The following DHX34 variants were observed in gnomAD, a reference collection of about 807,000 sequenced individuals.
DHX34 encodes probable ATP-dependent RNA helicase DHX34.
In DHX34, 96 loss-of-function variants were observed where a neutral mutation model predicts 111.1. That is an observed-to-expected ratio of 0.86 (90% CI 0.73 to 1.02). The LOEUF is 1.02. DHX34 is among the 50% of genes least tolerant of loss of function. The pLI is 0.00. For synonymous variants in DHX34, 688 were observed against 670.4 expected (o/e 1.03, Z -0.41); for missense variants, 1,560 against 1,579.9 (o/e 0.99, Z 0.21).
rs902331063 is a variant in DHX34 at position 47,367,215 on chromosome 19, C to T, written c.1768+60C>T. Reference sequence around the variant, plus strand: ...CCCAGGAGCGGGTATGGGCACAGCTCACTCTCTGAGTGGCCTGGGGGCAAG... The same window carrying T: ...CCCAGGAGCGGGTATGGGCACAGCTTACTCTCTGAGTGGCCTGGGGGCAAG... On this transcript the variant is annotated intron_variant, in intron 7 of 16. Coordinates refer to ENST00000328771, the MANE Select transcript of DHX34 (RefSeq NM_014681.6). The T allele has an allele frequency of 1.3e-5, 18 of 1,355,376 alleles. No individual in the cohort carries two copies. In the Admixed American group the frequency reaches 1.9e-4, roughly 14 times the overall value. The allele number at this position is 1,355,376 out of a possible 1,614,324, so 84.0% of individuals were successfully genotyped here.
intron 1 of DHX34, among the ~76,000 whole-genome samples, chr19:47,351,300 T>C (rs936943006): frequency 3.4e-5 from 5 of 146,808 alleles, no homozygotes; most frequent in Non-Finnish European, 7.5e-5. Context: ...TGCCTCAGCC[T>C]CCCGAGTCGC....
intron 5 of DHX34, among the ~76,000 whole-genome samples, chr19:47,361,808 G>C (rs949708280): frequency 4.6e-5 from 7 of 152,216 alleles, no homozygotes; most frequent in Admixed American, 1.3e-4. Context: ...AAAAAAGGTT[G>C]TTCTGACACT....
At chr19:47,372,227 G>A (rs1969985877) in intron 7 of DHX34, among the ~76,000 whole-genome samples, 1 of 151,696 alleles carries the variant, frequency 6.6e-6, no homozygotes, top group Admixed American at 6.6e-5. Context: ...CTAAACAAAG[G>A]CTGCAGGAGA....
intron 7 of DHX34, among the ~76,000 whole-genome samples, chr19:47,371,475 C>G (rs1303008808): frequency 6.6e-6 from 1 of 152,194 alleles, no homozygotes; most frequent in African/African-American, 2.4e-5. Flanking sequence ...AGCAGCGTCA[C>G]GGCGAGGTGG....
intron 7 of DHX34, 41 bp from the exon 8 acceptor site, chr19:47,372,689 C>T: frequency 6.5e-7 from 1 of 1,536,592 alleles, no homozygotes; most frequent in Non-Finnish European, 8.8e-7. Flanking sequence ...CTGCGCCTGT[C>T]CTGGCACCCA....
chr19:47,358,724 C>T lies in DHX34; in HGVS notation c.1272+604C>T, dbSNP rs556929360. ...CCACCTCCCGGGTTCAAGCGATTCT[C>T]CTGCCTCAGCCTCCTGAGTAGCTGG... is the stretch of plus-strand genomic sequence containing the variant. On this transcript the variant is annotated intron_variant, in intron 4 of 16. Coordinates refer to ENST00000328771, the MANE Select transcript of DHX34 (RefSeq NM_014681.6). 6.5e-3 allele frequency among the ~76,000 whole-genome samples: 990 copies of T among 152,250 alleles called. 4 individuals carry two copies. Among genetic ancestry groups the T allele is most frequent in the Non-Finnish European group, 0.01 (705 of 68,022 alleles).
chr19:47,357,998 T>C lies in DHX34; in HGVS notation c.1150T>C (p.Phe384Leu). ...PPEERGDLLV[F>L]LSGMAEISAV... is the part of the protein sequence containing the mutation. ...TGAGGAGCGGGGTGACCTCCTCGTC[T>C]TCCTCAGCGGCATGGCGGAGATCAG... The change falls in exon 4 of 17, where the codon TTC (phenylalanine) becomes CTC (leucine). Residue 384 changes from phenylalanine (F) to leucine (L), a missense_variant. By Grantham distance (22) the Phe-to-Leu change is conservative. Transcript: ENST00000328771. 6.2e-7 allele frequency: 1 copy of C among 1,613,874 alleles called. No homozygotes were observed. Among genetic ancestry groups the C allele is most frequent in the Non-Finnish European group, 8.5e-7 (1 of 1,180,042 alleles).
At position 47,355,146 on chromosome 19, in the gene DHX34, C is replaced by G. The variant is rs1346571609; in HGVS notation, c.813C>G (p.Pro271=). 14 of 1,614,136 alleles carry G rather than the reference C, an allele frequency of 8.7e-6. No individual in the cohort carries two copies. Among genetic ancestry groups the G allele is most frequent in the African/African-American group, 1.3e-5 (1 of 75,018 alleles). The part of the protein sequence containing the change: ...LRQIQREPSL[P]QYEVLIVDEV... Reference sequence around the variant, plus strand: ...AAATCCAGCGGGAACCCAGCCTGCCCCAGTATGAGGTCCTGATTGTGGATG... The same window carrying G: ...AAATCCAGCGGGAACCCAGCCTGCCGCAGTATGAGGTCCTGATTGTGGATG... Residue 271 remains proline (P), a synonymous_variant, in exon 3 of 17, where the codon CCC becomes CCG. Transcript: ENST00000328771.
chr19:47,361,860 C>A (rs188149492), intron 5 of DHX34, among the ~76,000 whole-genome samples: 39 of 152,284 alleles, frequency 2.6e-4, no homozygotes, highest in Middle Eastern at 3.4e-3. Flanking sequence ...GAGACTAGGA[C>A]CTTTGTTTAG....
At chr19:47,373,332 A>T (rs1343337526) in intron 8 of DHX34, 1 of 396,356 alleles carries the variant, frequency 2.5e-6, no homozygotes, top group African/African-American at 2.2e-5. Context: ...CAGTGCAGGG[A>T]GACAGACCAC....
rs79470422 is a variant in DHX34 at position 47,370,159 on chromosome 19, C to T, written c.1769-2571C>T. 9.9e-3 allele frequency among the ~76,000 whole-genome samples: 1,506 copies of T among 152,242 alleles called. 28 individuals are homozygous for T. Among genetic ancestry groups the T allele is most frequent in the South Asian group, 0.058 (281 of 4,820 alleles). On this transcript the variant is annotated intron_variant, in intron 7 of 16. Coordinates refer to ENST00000328771, the MANE Select transcript of DHX34 (RefSeq NM_014681.6). ...TGCAAGGCTGTTTCAGAGAATGTGA[C>T]GCAAAGTGCCCTGGTTGTGCGTGAG...
intron 9 of DHX34, among the ~76,000 whole-genome samples, chr19:47,374,435 T>C (rs1223278544): frequency 7.7e-5 from 5 of 64,728 alleles, no homozygotes; most frequent in Non-Finnish European, 1.3e-4. Context: ...GAAACTCCAC[T>C]CAAAAAAAAA....
chr19:47,378,829 A>G (rs1360764400), intron 13 of DHX34, among the ~76,000 whole-genome samples: 1 of 150,028 alleles, frequency 6.7e-6, no homozygotes, highest in African/African-American at 2.5e-5. Flanking sequence ...AGAGTGAGAC[A>G]CTGTCTCAAA....
rs1289774182 is a variant in DHX34 at position 47,360,029 on chromosome 19, C to T, written c.1334C>T (p.Thr445Ile). ...KCILSTNIAE[T>I]SVTIDGIRFV... Reference sequence around the variant, plus strand: ...ATCCTCTCCACCAACATTGCTGAGACCTCAGTCACCATTGACGGGATCCGC... The same window carrying T: ...ATCCTCTCCACCAACATTGCTGAGATCTCAGTCACCATTGACGGGATCCGC... Residue 445 changes from threonine (T) to isoleucine (I), a missense_variant, in exon 5 of 17, where the codon ACC becomes ATC. Thr to Ile is a moderately conservative substitution (Grantham distance 89, BLOSUM62 -1). Transcript: ENST00000328771. 1.9e-6 allele frequency: 3 copies of T among 1,614,052 alleles called. No homozygotes were observed. The highest frequency in any genetic ancestry group is 3.3e-5 in the Admixed American group (2 of 59,994).
chr19:47,373,544 C>T, intron 8 of DHX34, 55 bp from the exon 9 acceptor site: 1 of 1,580,630 alleles, frequency 6.3e-7, no homozygotes, highest in Non-Finnish European at 8.6e-7. Context: ...CGGTCAGCCC[C>T]TCCCTCCCCG....
At chr19:47,376,337 A>G (rs1970155252) in intron 11 of DHX34, 106 bp from the exon 12 acceptor site, 1 of 1,538,742 alleles carries the variant, frequency 6.5e-7, no homozygotes, top group Admixed American at 2.0e-5. Context: ...GGAGTCAGGG[A>G]GGGCTTCCTG....
At chr19:47,349,506 C>T (rs2122196131) in intron 1 of DHX34, among the ~76,000 whole-genome samples, 154 bp downstream of exon 1, 1 of 152,150 alleles carries the variant, frequency 6.6e-6, no homozygotes, top group Non-Finnish European at 1.5e-5. Context: ...CCGGCAAACG[C>T]GGACAGAGAT....
chr19:47,361,223 C>T, intron 5 of DHX34, among the ~76,000 whole-genome samples: 1 of 151,200 alleles, frequency 6.6e-6, no homozygotes, highest in East Asian at 2.0e-4. Context: ...TTTGGGAGGC[C>T]AAGGCAGGCA....
chr19:47,366,073 C>T (rs1455880193), intron 6 of DHX34, among the ~76,000 whole-genome samples: 1 of 152,102 alleles, frequency 6.6e-6, no homozygotes, highest in Non-Finnish European at 1.5e-5. Context: ...ATAAGATAGC[C>T]TTCCATCCTG....
Sources: allele counts gnomAD v4.1 joint callset (sites outside exome capture counted in the v4.1 genomes callset), GRCh38; gene constraint gnomAD v4.1.1; transcripts MANE v1.5; gene names NCBI Gene and HGNC (gene_info 2026-07-23, HGNC 2026-07-21).